The following RBPMS2 variants were observed in gnomAD, a reference collection of about 807,000 sequenced individuals.
The protein encoded by RBPMS2 is RNA-binding protein with multiple splicing 2.
In RBPMS2, 14 loss-of-function variants were observed where a neutral mutation model predicts 25.7. The ratio of observed to expected loss-of-function variants is 0.55; its 90% confidence interval spans 0.36 to 0.85. The LOEUF is 0.85. RBPMS2 is among the 40% of genes least tolerant of loss of function. RBPMS2 has a pLI of 0.01. For synonymous variants in RBPMS2, 127 were observed against 115.6 expected (o/e 1.10, Z -0.63); for missense variants, 252 against 283.4 (o/e 0.89, Z 0.80).
chr15:64,773,496 G>C (rs1461196625), intron 1 of RBPMS2, among the ~76,000 whole-genome samples: 1 of 152,216 alleles, frequency 6.6e-6, no homozygotes, highest in Non-Finnish European at 1.5e-5. Flanking sequence ...AGGAATAGTA[G>C]GGATTCCACT....
At chr15:64,747,395 T>TCCTTCCTCATCCCCTCCTGCTCC (rs940334011) in intron 6 of RBPMS2, among the ~76,000 whole-genome samples, 7 of 152,184 alleles carry the variant, frequency 4.6e-5, no homozygotes, top group Non-Finnish European at 2.9e-5. Context: ...TCTCCTGCTT[T>TCCTTCCTCATCCCCTCCTGCTCC]CCTTCCTCAT....
chr15:64,750,473 G>A (rs1309439403), intron 2 of RBPMS2, 92 bp from the exon 3 acceptor site: 1 of 1,100,208 alleles, frequency 9.1e-7, no homozygotes, highest in African/African-American at 1.5e-5. Flanking sequence ...GCGTTCCCCT[G>A]AGTCATTCTC....
intron 2 of RBPMS2, 62 bp from the exon 3 acceptor site, chr15:64,750,443 C>G: frequency 1.4e-6 from 2 of 1,422,374 alleles, no homozygotes; most frequent in Admixed American, 3.3e-5. Flanking sequence ...TAGCCCAGCG[C>G]TGCCACCTCA....
chr15:64,753,888 C>A (rs944598133), intron 1 of RBPMS2, among the ~76,000 whole-genome samples: 1 of 152,246 alleles, frequency 6.6e-6, no homozygotes, highest in Admixed American at 6.5e-5. Flanking sequence ...GAGCTCCTGA[C>A]CTGAGCCCAG....
chr15:64,771,823 G>A (rs148575186), intron 1 of RBPMS2, among the ~76,000 whole-genome samples: 632 of 152,202 alleles, frequency 4.2e-3, no homozygotes, highest in Non-Finnish European at 7.0e-3. Flanking sequence ...GCCAGGTATG[G>A]TGGCGGGCAC....
At position 64,751,567 on chromosome 15, in the gene RBPMS2, C is replaced by A. The variant is rs751626224; in HGVS notation, c.159G>T (p.Pro53=). The change falls in exon 2 of 8, where the codon CCG becomes CCT. Residue 53 remains proline, a synonymous_variant. Coordinates refer to ENST00000300069, the MANE Select transcript of RBPMS2 (RefSeq NM_194272.3). ...KPRELYLLFR[P]FKGYEGSLIK... is the part of the protein sequence containing the mutation. ...CGGCTGGGTCCTGACTCACCTTGAACGGCCGGAAGAGCAAGTAGAGTTCTC... is the reference window on the plus strand; with the variant it reads ...CGGCTGGGTCCTGACTCACCTTGAAAGGCCGGAAGAGCAAGTAGAGTTCTC... 6.2e-7 allele frequency: 1 copy of A among 1,613,730 alleles called. No individual in the cohort carries two copies. Among genetic ancestry groups the A allele is most frequent in the Non-Finnish European group, 8.5e-7 (1 of 1,179,766 alleles).
At chr15:64,766,533 T>C (rs1251989314) in intron 1 of RBPMS2, among the ~76,000 whole-genome samples, 1 of 151,080 alleles carries the variant, frequency 6.6e-6, no homozygotes, top group Non-Finnish European at 1.5e-5. Context: ...ATGGTGGCTT[T>C]TTTTTTTTTT....
chr15:64,756,055 G>A (rs2083728958), intron 1 of RBPMS2, among the ~76,000 whole-genome samples: 1 of 152,082 alleles, frequency 6.6e-6, no homozygotes, highest in Admixed American at 6.6e-5. Flanking sequence ...ACTACAGAAA[G>A]CCCTAGAGAC....
intron 1 of RBPMS2, among the ~76,000 whole-genome samples, chr15:64,758,537 A>C (rs72744743): frequency 0.018 from 2,784 of 152,280 alleles, 32 homozygotes; most frequent in Non-Finnish European, 0.027. Flanking sequence ...GTGTACCCAT[A>C]CAGAATACCA....
At chr15:64,751,492 C>G (rs971031653) in intron 2 of RBPMS2, 69 bp downstream of exon 2, 3 of 1,390,872 alleles carry the variant, frequency 2.2e-6, no homozygotes, top group South Asian at 1.2e-5. Flanking sequence ...CTGCCCGACC[C>G]GAGATTCACT....
chr15:64,774,669 C>T (rs1247393617), intron 1 of RBPMS2, among the ~76,000 whole-genome samples: 1 of 150,906 alleles, frequency 6.6e-6, no homozygotes, highest in Non-Finnish European at 1.5e-5. Flanking sequence ...TGCCAAAGCC[C>T]AGGTTCTGGG....
chr15:64,740,431 A>G lies in RBPMS2; in HGVS notation c.*577T>C, dbSNP rs1396013826. On this transcript the variant is annotated 3_prime_UTR_variant, in exon 8 of 8. Transcript: ENST00000300069. Reference sequence around the variant, plus strand: ...AGCCCCATGTGAAATGAAAAAGCAAACCCCATCTATCTGTTGGGTGGAGGT... The same window carrying G: ...AGCCCCATGTGAAATGAAAAAGCAAGCCCCATCTATCTGTTGGGTGGAGGT... 6.7e-6 allele frequency: 1 copy of G among 149,224 alleles called. No individual in the cohort carries two copies. The highest frequency in any genetic ancestry group is 2.5e-5 in the African/African-American group (1 of 40,268). The allele number at this position is 149,224 out of a possible 1,614,324, so 9.2% of individuals were successfully genotyped here. A position where few individuals can be genotyped will look rare whatever the true frequency, so the allele number is the denominator to read the frequency against.
chr15:64,749,228 G>A (rs1044039632), intron 4 of RBPMS2, 78 bp from the exon 5 acceptor site: 37 of 1,546,148 alleles, frequency 2.4e-5, no homozygotes, highest in African/African-American at 1.9e-4. Context: ...AGAGAAGGGC[G>A]CCATAAACAA....
intron 5 of RBPMS2, among the ~76,000 whole-genome samples, 165 bp downstream of exon 5, chr15:64,748,835 A>G (rs2083645153): frequency 6.6e-6 from 1 of 152,176 alleles, no homozygotes; most frequent in Non-Finnish European, 1.5e-5. Flanking sequence ...GGCAGCTCAG[A>G]AATTCTAGGC....
At chr15:64,765,226 CAAAAAAAAAAAAAA>C (rs34231406) in intron 1 of RBPMS2, among the ~76,000 whole-genome samples, 1 of 50,910 alleles carries the variant, frequency 2.0e-5, no homozygotes, top group African/African-American at 9.0e-5. Context: ...GACTCTGTCT[CAAAAAAAAAAAAAA>C]AAAAAAAAAA....
intron 1 of RBPMS2, among the ~76,000 whole-genome samples, chr15:64,771,582 G>A (rs755347928): frequency 1.3e-5 from 2 of 151,888 alleles, no homozygotes; most frequent in Non-Finnish European, 2.9e-5. Context: ...GCTGAGGCAG[G>A]AGAATCACTT....
At chr15:64,773,997 C>G (rs1483767830) in intron 1 of RBPMS2, among the ~76,000 whole-genome samples, 1 of 152,230 alleles carries the variant, frequency 6.6e-6, no homozygotes, top group Non-Finnish European at 1.5e-5. Flanking sequence ...CTTCCCCTTC[C>G]GCCAAAAAGT....
chr15:64,749,227 C>T (rs902526760), intron 4 of RBPMS2, 77 bp from the exon 5 acceptor site: 15 of 1,552,640 alleles, frequency 9.7e-6, no homozygotes, highest in Middle Eastern at 1.7e-4. Flanking sequence ...TAGAGAAGGG[C>T]GCCATAAACA....
At chr15:64,751,851 A>G (rs1344242719) in intron 1 of RBPMS2, among the ~76,000 whole-genome samples, 1 of 151,998 alleles carries the variant, frequency 6.6e-6, no homozygotes, top group Non-Finnish European at 1.5e-5. Context: ...TCCCAGAGGC[A>G]TCGTGCTGCG....
Sources: allele counts gnomAD v4.1 joint callset (sites outside exome capture counted in the v4.1 genomes callset), GRCh38; gene constraint gnomAD v4.1.1; transcripts MANE v1.5; gene names NCBI Gene and HGNC (gene_info 2026-07-23, HGNC 2026-07-21).